SWAP70: variants seen among roughly 807,000 people sequenced by gnomAD.
SWAP70 encodes switching B cell complex subunit SWAP70.
In SWAP70, 34 loss-of-function variants were observed where a neutral mutation model predicts 80.2. The observed-to-expected ratio is 0.42, with a 90% confidence interval of 0.32 to 0.56. The LOEUF (loss-of-function observed/expected upper bound fraction) is 0.56. Ranked by LOEUF, SWAP70 falls within the 20% of genes least tolerant of loss-of-function variation. The pLI is 0.09. For missense variants in SWAP70, 578 were observed against 690.7 expected (o/e 0.84, Z 1.83); for synonymous variants, 239 against 238.5 (o/e 1.00, Z -0.02).
chr11:9,723,591 A>G (rs866782236), intron 3 of SWAP70, among the ~76,000 whole-genome samples: 7 of 152,138 alleles, frequency 4.6e-5, no homozygotes, highest in East Asian at 3.9e-4. Context: ...ATGGAAATCA[A>G]TAATACAGCG....
rs181629350 is a variant in SWAP70, at chr11:9,706,725, T to A, written c.241-6741T>A. On this transcript the variant is annotated intron_variant, in intron 2 of 11. Coordinates refer to ENST00000318950, the MANE Select transcript of SWAP70 (RefSeq NM_015055.4). Reference sequence around the variant, plus strand: ...GGATCATGCTGTATATGGTCTTTTCTGACTTGCATTTTTCACTGGACATTA... The same window carrying A: ...GGATCATGCTGTATATGGTCTTTTCAGACTTGCATTTTTCACTGGACATTA... Among the ~76,000 whole-genome samples the A allele has an allele frequency of 1.2e-4, 18 of 152,344 alleles. No individual in the cohort carries two copies. In the East Asian group the frequency reaches 3.5e-3, roughly 29 times the overall value.
chr11:9,747,393 G>A (rs1156601726), intron 9 of SWAP70, among the ~76,000 whole-genome samples: 2 of 152,192 alleles, frequency 1.3e-5, no homozygotes, highest in African/African-American at 4.8e-5. Context: ...CATGGTAACA[G>A]GTTTTTACTA....
intron 1 of SWAP70, among the ~76,000 whole-genome samples, chr11:9,686,217 A>G (rs1334938918): frequency 1.3e-5 from 2 of 151,814 alleles, no homozygotes; most frequent in Non-Finnish European, 2.9e-5. Flanking sequence ...TTTCTTATAT[A>G]TCTCTCTTTC....
chr11:9,719,562 C>T (rs422061), intron 3 of SWAP70, among the ~76,000 whole-genome samples: 52,900 of 151,866 alleles, frequency 0.35, 9,507 homozygotes, highest in African/African-American at 0.4. Context: ...ATGTTTGCTT[C>T]TGATTCAGTT....
At chr11:9,709,448 GGTTTTGA>G (rs1850966644) in intron 2 of SWAP70, among the ~76,000 whole-genome samples, 1 of 152,168 alleles carries the variant, frequency 6.6e-6, no homozygotes, top group Non-Finnish European at 1.5e-5. Flanking sequence ...TTTAAACTTT[GGTTTTGA>G]TATTTACTAG....
At chr11:9,680,807 A>G (rs1256140838) in intron 1 of SWAP70, 1 of 152,196 alleles carries the variant, frequency 6.6e-6, no homozygotes, top group Non-Finnish European at 1.5e-5. Context: ...TAAAAATTCT[A>G]AATTTCATAT....
At chr11:9,676,552 T>C (rs1850503191) in intron 1 of SWAP70, among the ~76,000 whole-genome samples, 1 of 152,144 alleles carries the variant, frequency 6.6e-6, no homozygotes, top group African/African-American at 2.4e-5. Context: ...TTATAATACC[T>C]AATGCAATAT....
chr11:9,728,333 G>A (rs763056558), intron 5 of SWAP70, 134 bp downstream of exon 5: 78 of 1,008,092 alleles, frequency 7.7e-5, no homozygotes, highest in Middle Eastern at 2.3e-4. Flanking sequence ...AATAATATAG[G>A]CATGCAGTTG....
intron 1 of SWAP70, among the ~76,000 whole-genome samples, chr11:9,686,671 T>C (rs912410548): frequency 2.0e-5 from 3 of 152,092 alleles, no homozygotes; most frequent in Admixed American, 1.3e-4. Context: ...TTAAGCATTG[T>C]GTTAGGGTCA....
intron 2 of SWAP70, among the ~76,000 whole-genome samples, chr11:9,700,061 C>G (rs912293525): frequency 1.3e-5 from 2 of 152,024 alleles, no homozygotes; most frequent in Admixed American, 6.6e-5. Flanking sequence ...GTGCTGCACC[C>G]TACTACTGCA....
intron 2 of SWAP70, 141 bp from the exon 3 acceptor site, chr11:9,713,325 G>A (rs961260099): frequency 1.2e-6 from 1 of 843,656 alleles, no homozygotes; most frequent in Admixed American, 3.0e-5. Context: ...AATACCTAAA[G>A]CAAATATGTA....
chr11:9,687,549 G>T (rs1850647687), intron 1 of SWAP70, among the ~76,000 whole-genome samples: 1 of 152,052 alleles, frequency 6.6e-6, no homozygotes, highest in Non-Finnish European at 1.5e-5. Context: ...AGTATTTTCT[G>T]TTTAGTTTCT....
At chr11:9,733,592 G>T (rs2133811548) in intron 7 of SWAP70, among the ~76,000 whole-genome samples, 1 of 152,288 alleles carries the variant, frequency 6.6e-6, no homozygotes, top group South Asian at 2.1e-4. Flanking sequence ...CTTAGAAAAA[G>T]TTATTACTAT....
rs1392464404 is a variant in SWAP70, at chr11:9,752,442, C to T, written c.*2472C>T. The T allele has an allele frequency of 1.3e-5, 2 of 152,180 alleles. No individual in the cohort carries two copies. The highest frequency in any genetic ancestry group is 1.9e-4 in the East Asian group (1 of 5,198). 9.4% of individuals were successfully genotyped at this position (152,180 alleles called of 1,614,324 possible). The stretch of plus-strand genomic sequence containing the variant: ...CTTTCTGTTTAATGCATAGTGTTAC[C>T]GATTTACATCTTGGTTTTCAGTGGC... On this transcript the variant is annotated 3_prime_UTR_variant, in exon 12 of 12. Transcript: ENST00000318950.
intron 3 of SWAP70, chr11:9,720,558 A>C: frequency 6.8e-6 from 6 of 878,960 alleles, no homozygotes; most frequent in Non-Finnish European, 8.2e-6. Flanking sequence ...ATCTTGTCTC[A>C]CCCACGTGTA....
chr11:9,665,080 C>T (rs1189132815), intron 1 of SWAP70, among the ~76,000 whole-genome samples: 5 of 152,218 alleles, frequency 3.3e-5, no homozygotes, highest in African/African-American at 1.2e-4. Flanking sequence ...GGCATTAAGC[C>T]AGCAGAAATT....
chr11:9,735,253 G>A (rs1851348547), intron 7 of SWAP70, among the ~76,000 whole-genome samples: 1 of 152,108 alleles, frequency 6.6e-6, no homozygotes, highest in South Asian at 2.1e-4. Flanking sequence ...ACACACAAAA[G>A]TATATACTAG....
chr11:9,672,440 C>T (rs1850430597), intron 1 of SWAP70, among the ~76,000 whole-genome samples: 1 of 151,262 alleles, frequency 6.6e-6, no homozygotes. Flanking sequence ...TCATAGCTCA[C>T]CATACCCATG....
At chr11:9,694,938 C>G (rs1850736866) in intron 2 of SWAP70, among the ~76,000 whole-genome samples, 1 of 152,104 alleles carries the variant, frequency 6.6e-6, no homozygotes, top group Non-Finnish European at 1.5e-5. Flanking sequence ...TACCATTTGA[C>G]CCAGCAATTG....
Sources: gnomAD v4.1 joint callset for allele counts (sites outside exome capture counted in the v4.1 genomes callset) on GRCh38, gnomAD v4.1.1 for gene constraint, MANE v1.5 for transcripts, NCBI Gene and HGNC (gene_info 2026-07-23, HGNC 2026-07-21) for gene names.